Variants in ADSL observed in about 807,000 individuals in gnomAD.
ADSL encodes the protein adenylosuccinate lyase, also known as adenylosuccinase.
Under a neutral mutation model 62.1 loss-of-function variants are expected in ADSL, and 44 were observed. That is an observed-to-expected ratio of 0.71 (90% confidence interval 0.56 to 0.91). ADSL has a LOEUF of 0.91. Among genes scored for constraint, ADSL ranks in the 40% least tolerant of loss-of-function variants. ADSL has a pLI of 0.00. For synonymous variants in ADSL, 198 were observed against 220.5 expected, an observed-to-expected ratio of 0.90 and a Z score of 0.90; for missense variants, 531 against 627.4, an observed-to-expected ratio of 0.85 and a Z score of 1.64.
At chr22:40,359,564 G>T (rs899596497) in intron 6 of ADSL, among the ~76,000 whole-genome samples, 1 of 147,560 alleles carries the variant, frequency 6.8e-6, no homozygotes, top group Non-Finnish European at 1.5e-5. Context: ...TTGAGACAGG[G>T]TCTTACTCTG....
In ADSL at chr22:40,363,053, A is replaced by G; in HGVS notation, c.1083A>G (p.Gly361=). The change falls in exon 10 of 13, where the codon GGA becomes GGG. Residue 361 remains glycine (G), a synonymous_variant. Transcript: ENST00000623063. ...ILNTLQNISE[G]LVVYPKVIER... is the part of the protein sequence containing the mutation. Reference sequence around the variant, plus strand: ...ATACGCTGCAGAACATTTCTGAAGGATTGGTCGTGTACCCCAAAGTAAGAA... The same window carrying G: ...ATACGCTGCAGAACATTTCTGAAGGGTTGGTCGTGTACCCCAAAGTAAGAA... The G allele has an allele frequency of 6.2e-7, 1 of 1,614,028 alleles. No individual in the cohort carries two copies. The highest frequency in any genetic ancestry group is 8.5e-7 in the Non-Finnish European group (1 of 1,179,972).
At chr22:40,384,549 G>C (rs945001305) in intron 2 of ADSL, among the ~76,000 whole-genome samples, 2 of 152,216 alleles carry the variant, frequency 1.3e-5, no homozygotes, top group African/African-American at 4.8e-5. Flanking sequence ...GGAAGGCCAA[G>C]GTGGGCGGAT....
chr22:40,357,819 C>G (rs573589801), intron 4 of ADSL, among the ~76,000 whole-genome samples: 4 of 152,110 alleles, frequency 2.6e-5, no homozygotes, highest in Non-Finnish European at 5.9e-5. Flanking sequence ...GGCTGTGTCG[C>G]CCAGTGCGGT....
intron 2 of ADSL, among the ~76,000 whole-genome samples, chr22:40,380,543 T>C (rs1376411028): frequency 6.6e-6 from 1 of 152,036 alleles, no homozygotes; most frequent in Non-Finnish European, 1.5e-5. Context: ...ATTCTTGTAT[T>C]TCTAATAGAG....
chr22:40,385,494 G>A (rs2048271324), intron 2 of ADSL, among the ~76,000 whole-genome samples: 1 of 152,168 alleles, frequency 6.6e-6, no homozygotes, highest in Admixed American at 6.5e-5. Context: ...CTCGTGGGTG[G>A]AGAATTTAAC....
At chr22:40,357,442 G>T (rs187005096) in intron 4 of ADSL, among the ~76,000 whole-genome samples, 1 of 150,438 alleles carries the variant, frequency 6.6e-6, no homozygotes, top group Non-Finnish European at 1.5e-5. Context: ...TAGTAGAGAC[G>T]GGGTTTCTCT....
At chr22:40,370,490 G>T (rs966364192), downstream of ADSL, 1 of 152,386 alleles carries the variant, frequency 6.6e-6, no homozygotes, top group African/African-American at 2.4e-5. Flanking sequence ...TATGCATGCT[G>T]GCCTTGGGAT....
chr22:40,379,032 T>G (rs1271812980), intron 2 of ADSL, among the ~76,000 whole-genome samples: 2 of 152,210 alleles, frequency 1.3e-5, no homozygotes, highest in Non-Finnish European at 2.9e-5. Context: ...CTACCTAATT[T>G]AGAATAGCAG....
rs770353446 is a variant in ADSL, at chr22:40,364,214, T to C, written c.1102-62T>C. On this transcript the variant is annotated intron_variant, in intron 10 of 12. Coordinates refer to ENST00000623063, the MANE Select transcript of ADSL (RefSeq NM_000026.4). Reference sequence around the variant, plus strand: ...CTGTGCATTTTGTTTGACATCCTGCTGTGTTTATGACTTTAACCTTGAGGC... The same window carrying C: ...CTGTGCATTTTGTTTGACATCCTGCCGTGTTTATGACTTTAACCTTGAGGC... 11 of 1,355,090 alleles carry C rather than the reference T, an allele frequency of 8.1e-6. No individual in the cohort carries two copies. The Admixed American group carries it at 8.9e-5, about 11-fold the overall frequency. The allele number at this position is 1,355,090 out of a possible 1,614,324, so 83.9% of individuals were successfully genotyped here.
intron 12 of ADSL, 47 bp downstream of exon 12, chr22:40,365,103 G>A (rs1473720060): frequency 6.4e-7 from 1 of 1,569,582 alleles, no homozygotes; most frequent in African/African-American, 1.4e-5. Flanking sequence ...AGAACCTGGG[G>A]TACTCTCTTT....
At chr22:40,353,484 A>T in intron 3 of ADSL, 1 of 692,232 alleles carries the variant, frequency 1.4e-6, no homozygotes, top group East Asian at 2.7e-5. Context: ...GGTTTTTGCC[A>T]TGTTGCCCAG....
intron 1 of ADSL, chr22:40,348,281 A>C (rs1196953234): frequency 1.0e-5 from 4 of 397,028 alleles, no homozygotes; most frequent in Non-Finnish European, 1.8e-5. Context: ...CAGAGGTGTC[A>C]TGTCTTCTGT....
intron 2 of ADSL, among the ~76,000 whole-genome samples, chr22:40,383,560 T>C (rs2047938475): frequency 6.6e-6 from 1 of 151,586 alleles, no homozygotes; most frequent in South Asian, 2.1e-4. Flanking sequence ...AGCTAAGCAC[T>C]GAAAGAGGGA....
At chr22:40,373,083 C>T (rs2045901284), downstream of ADSL, 2 of 152,188 alleles carry the variant, frequency 1.3e-5, no homozygotes, top group South Asian at 4.1e-4. Flanking sequence ...GGGGTTAGAA[C>T]ACCACTCCTA....
At chr22:40,350,284 C>T (rs1021570886) in intron 2 of ADSL, 67 of 450,782 alleles carry the variant, frequency 1.5e-4, no homozygotes, top group African/African-American at 8.4e-4. Flanking sequence ...CCACCACACT[C>T]GGCTAATTTT....
At chr22:40,371,980 G>A (rs112310939), downstream of ADSL, among the ~76,000 whole-genome samples, 4 of 152,238 alleles carry the variant, frequency 2.6e-5, no homozygotes, top group African/African-American at 7.2e-5. Context: ...GATTACAGGC[G>A]TGAGCCACTG....
In ADSL at chr22:40,368,750, A is replaced by T. The variant is rs1198921348; in HGVS notation, c.*2228A>T. On this transcript the variant is annotated 3_prime_UTR_variant, in exon 13 of 13. Transcript: ENST00000623063. ...GAGACCAGCTTGACCGACAAGGTGA[A>T]ACTCCGTCTCTACTAAAAATACAAT... 6.6e-6 allele frequency: 1 copy of T among 152,062 alleles called. No homozygotes were observed. Among genetic ancestry groups the T allele is most frequent in the African/African-American group, 2.4e-5 (1 of 41,366 alleles). 9.4% of individuals were successfully genotyped at this position (152,062 alleles called of 1,614,324 possible).
intron 2 of ADSL, among the ~76,000 whole-genome samples, chr22:40,376,699 T>G (rs1281515220): frequency 6.9e-6 from 1 of 145,906 alleles, no homozygotes; most frequent in Non-Finnish European, 1.5e-5. Context: ...GAAACAGTAA[T>G]TTGCTAAAGA....
chr22:40,363,507 G>A (rs943102708), intron 10 of ADSL, among the ~76,000 whole-genome samples: 2 of 151,372 alleles, frequency 1.3e-5, no homozygotes, highest in Non-Finnish European at 2.9e-5. Flanking sequence ...AGGCCGAGGC[G>A]GGCAGATCAC....
Sources: allele counts gnomAD v4.1 joint callset (sites outside exome capture counted in the v4.1 genomes callset), GRCh38; gene constraint gnomAD v4.1.1; transcripts MANE v1.5; gene names NCBI Gene and HGNC (gene_info 2026-07-23, HGNC 2026-07-21).